Variants in USP10 observed in about 807,000 individuals in gnomAD.
USP10 encodes ubiquitin carboxyl-terminal hydrolase 10.
In USP10, 22 loss-of-function variants were observed where a neutral mutation model predicts 84.5. That is an observed-to-expected ratio of 0.26 (90% CI 0.19 to 0.37). USP10 has a LOEUF of 0.37. Ranked by LOEUF, USP10 falls within the 10% of genes least tolerant of loss-of-function variation. The probability of loss-of-function intolerance (pLI) is 1.00; values close to 1 mark genes in which losing one functional copy is unlikely to be tolerated. For missense variants in USP10, 1,019 were observed against 998.9 expected (o/e 1.02, Z -0.27); for synonymous variants, 454 against 387.6 (o/e 1.17, Z -2.01).
chr16:84,724,968 G>A (rs1300732969), intron 1 of USP10, among the ~76,000 whole-genome samples: 6 of 152,132 alleles, frequency 3.9e-5, no homozygotes, highest in South Asian at 2.1e-4. Context: ...GATTCATAAA[G>A]CCTAGTAAAG....
chr16:84,712,039 G>A (rs16974422), intron 1 of USP10, among the ~76,000 whole-genome samples: 14,617 of 152,106 alleles, frequency 0.096, 829 homozygotes, highest in East Asian at 0.27. Flanking sequence ...TTTTAAGGTG[G>A]ACAGAAACAC....
chr16:84,749,990 C>A (rs1423609156), intron 4 of USP10, among the ~76,000 whole-genome samples: 13 of 152,074 alleles, frequency 8.5e-5, no homozygotes, highest in African/African-American at 3.1e-4. Context: ...TTTCCTTTAG[C>A]CCCAAGGGAA....
chr16:84,775,338 TC>T, intron 13 of USP10, 113 bp downstream of exon 13: 1 of 1,050,514 alleles, frequency 9.5e-7, no homozygotes, highest in Admixed American at 1.9e-5. Context: ...TACTCAGGTA[TC>T]CCTGTGGCCT....
chr16:84,759,532 A>T, intron 6 of USP10, 60 bp downstream of exon 6: 1 of 1,457,060 alleles, frequency 6.9e-7, no homozygotes, highest in Non-Finnish European at 9.6e-7. Flanking sequence ...GATAATTAGA[A>T]TTGAAATAGT....
chr16:84,751,597 G>A (rs8058755), intron 4 of USP10, among the ~76,000 whole-genome samples: 48,922 of 152,058 alleles, frequency 0.32, 8,127 homozygotes, highest in Admixed American at 0.43. Context: ...AAGTTGATCT[G>A]TAGTCAATGG....
At chr16:84,724,726 CCT>C (rs1908235258) in intron 1 of USP10, among the ~76,000 whole-genome samples, 1 of 152,170 alleles carries the variant, frequency 6.6e-6, no homozygotes, top group Admixed American at 6.5e-5. Flanking sequence ...TGCCCTGACC[CCT>C]GTGTGTGTTG....
At chr16:84,746,828 A>G (rs910104143) in intron 4 of USP10, among the ~76,000 whole-genome samples, 7 of 152,246 alleles carry the variant, frequency 4.6e-5, no homozygotes, top group Admixed American at 1.3e-4. Context: ...TTTTACTTTT[A>G]AATTAAAAAT....
intron 1 of USP10, among the ~76,000 whole-genome samples, chr16:84,715,814 ACTTTTCATTTCTTCAT>A (rs939055517): frequency 6.6e-6 from 1 of 151,618 alleles, no homozygotes; most frequent in Non-Finnish European, 1.5e-5. Flanking sequence ...TCATTTTTTC[ACTTTTCATTTCTTCAT>A]CTTTTCATTC....
intron 10 of USP10, among the ~76,000 whole-genome samples, chr16:84,766,397 G>C (rs1913866064): frequency 6.6e-6 from 1 of 152,254 alleles, no homozygotes; most frequent in African/African-American, 2.4e-5. Flanking sequence ...ACCACTGTCT[G>C]TGGTTCCTTG....
intron 3 of USP10, among the ~76,000 whole-genome samples, chr16:84,743,904 A>G (rs1241980382): frequency 6.6e-6 from 1 of 152,194 alleles, no homozygotes; most frequent in Admixed American, 6.5e-5. Flanking sequence ...GGGTTAATCC[A>G]GTGTGAATTT....
At chr16:84,771,746 T>C (rs1179218835) in intron 11 of USP10, among the ~76,000 whole-genome samples, 2 of 151,986 alleles carry the variant, frequency 1.3e-5, no homozygotes, top group Non-Finnish European at 2.9e-5. Context: ...TGGGAGCCTG[T>C]AATCCCAGCT....
chr16:84,750,579 G>A (rs545432320), intron 4 of USP10, among the ~76,000 whole-genome samples: 366 of 152,218 alleles, frequency 2.4e-3, no homozygotes, highest in African/African-American at 8.3e-3. Flanking sequence ...GAAATTGAAC[G>A]TATGCTTTCA....
At chr16:84,741,205 A>G (rs565369918) in intron 3 of USP10, among the ~76,000 whole-genome samples, 2 of 152,372 alleles carry the variant, frequency 1.3e-5, no homozygotes, top group South Asian at 2.1e-4. Context: ...CAAACGTTTT[A>G]TCTCCAGTAA....
chr16:84,736,993 T>A (rs12933927), intron 2 of USP10, among the ~76,000 whole-genome samples: 25,809 of 152,146 alleles, frequency 0.17, 2,526 homozygotes, highest in Middle Eastern at 0.31. Context: ...TTTCACCGGG[T>A]TAGCCAGGAT....
At chr16:84,700,474 G>A (rs1904710081) in intron 1 of USP10, among the ~76,000 whole-genome samples, 1 of 151,998 alleles carries the variant, frequency 6.6e-6, no homozygotes, top group Non-Finnish European at 1.5e-5. Flanking sequence ...GGCGGCCCGG[G>A]GGCTCCGGGA....
intron 2 of USP10, among the ~76,000 whole-genome samples, chr16:84,734,011 T>C (rs1486661404): frequency 1.3e-5 from 2 of 152,192 alleles, no homozygotes; most frequent in Non-Finnish European, 2.9e-5. Context: ...CACACTGCAA[T>C]TTACTTACAT....
intron 4 of USP10, among the ~76,000 whole-genome samples, chr16:84,756,065 G>C (rs890021403): frequency 2.0e-5 from 3 of 152,026 alleles, no homozygotes; most frequent in Admixed American, 1.3e-4. Flanking sequence ...GCAGCCCTTG[G>C]ATTGGGCTAA....
At chr16:84,716,909 G>GT (rs925010967) in intron 1 of USP10, among the ~76,000 whole-genome samples, 83 of 152,258 alleles carry the variant, frequency 5.5e-4, no homozygotes, top group African/African-American at 1.9e-3. Context: ...ATGATAAATG[G>GT]TTACGCAACT....
rs1913483862 is a variant in USP10 at position 84,763,757 on chromosome 16, G to A, written c.1655-329G>A. The stretch of plus-strand genomic sequence containing the variant: ...TGGATCCAGTGGCATTGCGCCTGTT[G>A]TGATTGGTTGCCGTGGATCCAGTGA... On this transcript the variant is annotated intron_variant, in intron 9 of 13. Transcript: ENST00000219473. Among the ~76,000 whole-genome samples, 3 of 152,214 alleles carry A rather than the reference G, an allele frequency of 2.0e-5. No homozygotes were observed. In the South Asian group the frequency reaches 6.2e-4, roughly 32 times the overall value.
Sources: gnomAD v4.1 joint callset for allele counts (sites outside exome capture counted in the v4.1 genomes callset) on GRCh38, gnomAD v4.1.1 for gene constraint, MANE v1.5 for transcripts, NCBI Gene and HGNC (gene_info 2026-07-23, HGNC 2026-07-21) for gene names.